The following KCNQ5 variants were observed in gnomAD, a reference collection of about 807,000 sequenced individuals.
The protein encoded by KCNQ5 is potassium voltage-gated channel subfamily Q member 5.
Under a neutral mutation model 98.2 loss-of-function variants are expected in KCNQ5, and 30 were observed. That is an observed-to-expected ratio of 0.31 (90% CI 0.23 to 0.41). The LOEUF (loss-of-function observed/expected upper bound fraction) is 0.41. KCNQ5 is among the 10% of genes least tolerant of loss of function. The probability of loss-of-function intolerance (pLI) is 1.00; values close to 1 mark genes in which losing one functional copy is unlikely to be tolerated. For synonymous variants in KCNQ5, 458 were observed against 449.4 expected, an observed-to-expected ratio of 1.02 and a Z score of -0.24; for missense variants, 835 against 1,182.5, an observed-to-expected ratio of 0.71 and a Z score of 4.31.
chr6:72,965,644 A>G (rs1324793145), intron 1 of KCNQ5, among the ~76,000 whole-genome samples: 1 of 152,220 alleles, frequency 6.6e-6, no homozygotes, highest in Non-Finnish European at 1.5e-5. Context: ...AACAATTTAG[A>G]GGAGAAAAGT....
At chr6:72,650,783 AAG>A (rs1765835784) in intron 1 of KCNQ5, among the ~76,000 whole-genome samples, 1 of 152,104 alleles carries the variant, frequency 6.6e-6, no homozygotes, top group South Asian at 2.1e-4. Flanking sequence ...ACAAAGAAGA[AAG>A]AAATATTCCT....
chr6:72,853,154 T>C (rs1761027445), intron 1 of KCNQ5, among the ~76,000 whole-genome samples: 1 of 152,210 alleles, frequency 6.6e-6, no homozygotes. Context: ...TGATAGACTT[T>C]AGTCAAAGCG....
intron 10 of KCNQ5, among the ~76,000 whole-genome samples, chr6:73,141,350 C>T (rs771187558): frequency 1.3e-5 from 2 of 152,218 alleles, no homozygotes; most frequent in Non-Finnish European, 2.9e-5. Flanking sequence ...TGGGGGGACA[C>T]AAACATTCAG....
intron 9 of KCNQ5, chr6:73,125,310 G>A (rs1775932163): frequency 1.6e-5 from 7 of 447,980 alleles, no homozygotes; most frequent in South Asian, 1.2e-4. Context: ...TTCTTGATCT[G>A]TGTTAATGAG....
chr6:72,632,685 G>T (rs975142960), intron 1 of KCNQ5, among the ~76,000 whole-genome samples: 1 of 152,094 alleles, frequency 6.6e-6, no homozygotes, highest in Non-Finnish European at 1.5e-5. Context: ...GTGGTACTTG[G>T]TTTTCTTTTC....
chr6:72,895,363 G>T (rs1779210288), intron 1 of KCNQ5, among the ~76,000 whole-genome samples: 1 of 150,980 alleles, frequency 6.6e-6, no homozygotes, highest in South Asian at 2.1e-4. Flanking sequence ...TACCCAATAT[G>T]CTACTTCAAC....
chr6:72,720,356 A>T (rs1769892550), intron 1 of KCNQ5, among the ~76,000 whole-genome samples: 1 of 152,168 alleles, frequency 6.6e-6, no homozygotes, highest in East Asian at 1.9e-4. Flanking sequence ...TCTATGAATT[A>T]GTGCATTTTT....
chr6:73,171,074 G>A (rs962141294), intron 11 of KCNQ5, among the ~76,000 whole-genome samples: 1 of 152,138 alleles, frequency 6.6e-6, no homozygotes, highest in African/African-American at 2.4e-5. Flanking sequence ...ACATTGATTT[G>A]CCCTATAGCT....
At chr6:72,886,798 TTGTA>T (rs1399674728) in intron 1 of KCNQ5, among the ~76,000 whole-genome samples, 5 of 152,140 alleles carry the variant, frequency 3.3e-5, no homozygotes, top group Non-Finnish European at 7.3e-5. Context: ...ACAGGTGTAA[TTGTA>T]TGTCTTTCAA....
At chr6:72,869,909 A>G (rs925631999) in intron 1 of KCNQ5, among the ~76,000 whole-genome samples, 1 of 152,188 alleles carries the variant, frequency 6.6e-6, no homozygotes, top group Non-Finnish European at 1.5e-5. Flanking sequence ...TTGTGCAAAG[A>G]ACTTGGTATT....
At chr6:72,952,324 G>A (rs1020277867) in intron 1 of KCNQ5, among the ~76,000 whole-genome samples, 15 of 152,180 alleles carry the variant, frequency 9.9e-5, no homozygotes, top group Middle Eastern at 6.8e-3. Context: ...ATTCTACTTG[G>A]TCTAGGATTT....
intron 1 of KCNQ5, among the ~76,000 whole-genome samples, chr6:72,783,532 C>A (rs72941522): frequency 2.0e-5 from 3 of 152,168 alleles, no homozygotes; most frequent in African/African-American, 7.2e-5. Flanking sequence ...TTTGCCTGTT[C>A]TCTCTACCTG....
At chr6:73,060,010 C>T (rs761914165) in intron 3 of KCNQ5, among the ~76,000 whole-genome samples, 1 of 152,002 alleles carries the variant, frequency 6.6e-6, no homozygotes, top group South Asian at 2.1e-4. Flanking sequence ...TTAGTTAGAG[C>T]CTTAAAGTAC....
chr6:73,047,137 A>C (rs1341984449), intron 3 of KCNQ5, among the ~76,000 whole-genome samples: 4 of 152,246 alleles, frequency 2.6e-5, no homozygotes, highest in Non-Finnish European at 4.4e-5. Context: ...AATTAAATTT[A>C]ATTGAACCTT....
chr6:73,124,674 G>T, intron 9 of KCNQ5, 162 bp downstream of exon 9: 2 of 684,284 alleles, frequency 2.9e-6, no homozygotes, highest in Non-Finnish European at 5.2e-6. Flanking sequence ...TTGATATTTC[G>T]CCCCTTAGTA....
intron 3 of KCNQ5, among the ~76,000 whole-genome samples, chr6:73,053,331 C>G (rs897401182): frequency 6.6e-6 from 1 of 152,108 alleles, no homozygotes; most frequent in African/African-American, 2.4e-5. Flanking sequence ...CAGTATTAGA[C>G]AGGTCATTGA....
chr6:73,139,179 C>G (rs1776606358), intron 10 of KCNQ5, among the ~76,000 whole-genome samples: 1 of 152,198 alleles, frequency 6.6e-6, no homozygotes, highest in Non-Finnish European at 1.5e-5. Flanking sequence ...AAGAGGCCAT[C>G]TTATGTTTGT....
chr6:72,767,678 T>A (rs576456555), intron 1 of KCNQ5, among the ~76,000 whole-genome samples: 1 of 152,098 alleles, frequency 6.6e-6, no homozygotes, highest in Admixed American at 6.6e-5. Flanking sequence ...GAGTGAAGGA[T>A]CTAAGTAGAT....
chr6:72,795,081 C>G lies in KCNQ5; in HGVS notation c.398+172494C>G, dbSNP rs370103394. 7.2e-5 allele frequency among the ~76,000 whole-genome samples: 11 copies of G among 152,170 alleles called. No homozygotes were observed. The East Asian group carries it at 1.2e-3, about 16-fold the overall frequency. Reference sequence around the variant, plus strand: ...TGACTTCTGTCTAGGTAGATGCTTCCGACATGTTGGTGGACAGAAGCATAA... The same window carrying G: ...TGACTTCTGTCTAGGTAGATGCTTCGGACATGTTGGTGGACAGAAGCATAA... On this transcript the variant is annotated intron_variant, in intron 1 of 13. Transcript: ENST00000370398.
Sources: gnomAD v4.1 joint callset for allele counts (sites outside exome capture counted in the v4.1 genomes callset) on GRCh38, gnomAD v4.1.1 for gene constraint, MANE v1.5 for transcripts, NCBI Gene and HGNC (gene_info 2026-07-23, HGNC 2026-07-21) for gene names.